TBC1D32: variants seen among roughly 807,000 people sequenced by gnomAD.
The protein encoded by TBC1D32 is TBC1 domain family member 32, also known as protein broad-minded.
TBC1D32 carries 151 observed loss-of-function variants against 170.3 expected under a neutral mutation model. That is an observed-to-expected ratio of 0.89 (90% CI 0.78 to 1.01). The LOEUF is 1.01. TBC1D32 is among the 50% of genes least tolerant of loss of function. TBC1D32 has a pLI of 0.00. For synonymous variants in TBC1D32, 498 were observed against 488.0 expected, an observed-to-expected ratio of 1.02 and a Z score of -0.27; for missense variants, 1,464 against 1,457.1, an observed-to-expected ratio of 1.00 and a Z score of -0.08.
At position 121,104,685 on chromosome 6, in the gene TBC1D32, C is replaced by G. The variant is rs189669926; in HGVS notation, c.3465+1338G>C. On this transcript the variant is annotated intron_variant, in intron 30 of 31. Coordinates refer to ENST00000398212, the MANE Select transcript of TBC1D32 (RefSeq NM_152730.6). Reference sequence around the variant, plus strand: ...AAGAGAAAATAAAATTGAAACAGATCTCAAACTACACTCACTGGCAATATC... The same window carrying G: ...AAGAGAAAATAAAATTGAAACAGATGTCAAACTACACTCACTGGCAATATC... Among the ~76,000 whole-genome samples, 208 of 151,580 alleles carry G rather than the reference C, an allele frequency of 1.4e-3. 1 individual carries two copies. Among genetic ancestry groups the G allele is most frequent in the Non-Finnish European group, 2.5e-3 (172 of 67,682 alleles).
intron 15 of TBC1D32, among the ~76,000 whole-genome samples, chr6:121,271,658 G>C (rs1801448221): frequency 6.6e-6 from 1 of 152,098 alleles, no homozygotes; most frequent in African/African-American, 2.4e-5. Context: ...TGGATAGGAA[G>C]AATCAATATC....
At chr6:121,200,030 G>A (rs911191212) in intron 22 of TBC1D32, among the ~76,000 whole-genome samples, 1 of 151,146 alleles carries the variant, frequency 6.6e-6, no homozygotes, top group Non-Finnish European at 1.5e-5. Flanking sequence ...CTGTTGGTGG[G>A]TAAATATAAA....
chr6:121,101,129 T>C (rs189827569), intron 30 of TBC1D32, among the ~76,000 whole-genome samples: 1 of 151,966 alleles, frequency 6.6e-6, no homozygotes, highest in Non-Finnish European at 1.5e-5. Flanking sequence ...CAGGACCAGA[T>C]GGATTCACAG....
At chr6:121,154,060 C>A (rs1477294866) in intron 24 of TBC1D32, among the ~76,000 whole-genome samples, 2 of 150,148 alleles carry the variant, frequency 1.3e-5, no homozygotes, top group African/African-American at 5.0e-5. Flanking sequence ...AAAAAACCTC[C>A]TGCACCTAGC....
At chr6:121,241,693 A>G (rs1175825156) in intron 18 of TBC1D32, 141 bp from the exon 19 acceptor site, 2 of 746,770 alleles carry the variant, frequency 2.7e-6, no homozygotes, top group Non-Finnish European at 4.4e-6. Context: ...AAAAAGCCCA[A>G]AAGTCTAGGG....
At chr6:121,333,840 G>A (rs1811516489) in intron 1 of TBC1D32, among the ~76,000 whole-genome samples, 1 of 152,318 alleles carries the variant, frequency 6.6e-6, no homozygotes, top group Admixed American at 6.5e-5. Flanking sequence ...GCCGAGACGG[G>A]CGGATCACTT....
In TBC1D32 at chr6:121,192,496, C is replaced by T. The variant is rs190045794; in HGVS notation, c.2570+12579G>A. 4.6e-5 allele frequency: 7 copies of T among 152,260 alleles called. No individual in the cohort carries two copies. The East Asian group carries it at 1.2e-3, about 25-fold the overall frequency. 9.4% of individuals were successfully genotyped at this position (152,260 alleles called of 1,614,324 possible). On this transcript the variant is annotated intron_variant, in intron 22 of 31. Transcript: ENST00000398212. The stretch of plus-strand genomic sequence containing the variant: ...GGATTCTGTCTCCTGGCTTCAGAAG[C>T]TGAGGCTCAAATCCGCTAAGATTGC...
At chr6:121,185,927 C>T (rs1350391864) in intron 22 of TBC1D32, among the ~76,000 whole-genome samples, 2 of 152,022 alleles carry the variant, frequency 1.3e-5, no homozygotes, top group African/African-American at 4.8e-5. Context: ...GGACACAACA[C>T]CTTGGAAAAC....
chr6:121,289,918 A>T (rs1168027231), intron 12 of TBC1D32, among the ~76,000 whole-genome samples: 3 of 152,222 alleles, frequency 2.0e-5, no homozygotes, highest in African/African-American at 7.2e-5. Flanking sequence ...CTATTCAATA[A>T]ATGGTGCTGG....
intron 15 of TBC1D32, among the ~76,000 whole-genome samples, chr6:121,256,582 C>T (rs1161041391): frequency 1.3e-5 from 2 of 152,104 alleles, no homozygotes; most frequent in Non-Finnish European, 2.9e-5. Context: ...ACAGTGAAAA[C>T]ATAATCCTAA....
intron 30 of TBC1D32, among the ~76,000 whole-genome samples, chr6:121,100,896 A>G (rs1178139269): frequency 5.3e-5 from 8 of 152,138 alleles, no homozygotes; most frequent in Non-Finnish European, 8.8e-5. Flanking sequence ...AAAAAATGAT[A>G]AAGGGGATAT....
chr6:121,303,628 T>G lies in TBC1D32; in HGVS notation c.1069A>C (p.Lys357Gln), dbSNP rs199782641. The change falls in exon 9 of 32, where the codon AAA (lysine) becomes CAA (glutamine). Residue 357 changes from lysine to glutamine, a missense_variant. Around this residue, in one of 3 missense-constraint regions of TBC1D32, gnomAD observed 1,363 missense variants for 1,338.1 expected, o/e 1.02. Transcript: ENST00000398212. The stretch of plus-strand genomic sequence containing the variant: ...CTATTTTTCCTTACCATCCACTTTT[T>G]GAACCACACAGCCTTGGTATCAACT... ...ALVDTKAVWF[K>Q]KWMHAHYSRT... 6.4e-5 allele frequency: 100 copies of G among 1,550,604 alleles called. No homozygotes were observed. The African/African-American group carries it at 1.3e-3, about 21-fold the overall frequency.
intron 31 of TBC1D32, among the ~76,000 whole-genome samples, chr6:121,083,371 T>C (rs1775846851): frequency 6.6e-6 from 1 of 152,118 alleles, no homozygotes; most frequent in Admixed American, 6.6e-5. Flanking sequence ...TGCATTTCGT[T>C]TGTTGTATCT....
chr6:121,270,575 C>T (rs989646461), intron 15 of TBC1D32, among the ~76,000 whole-genome samples: 2 of 151,968 alleles, frequency 1.3e-5, no homozygotes, highest in East Asian at 3.9e-4. Context: ...AAGCTGAATC[C>T]CTGAATAGAC....
At chr6:121,232,478 T>C (rs1315047813) in intron 20 of TBC1D32, among the ~76,000 whole-genome samples, 1 of 152,134 alleles carries the variant, frequency 6.6e-6, no homozygotes, top group Non-Finnish European at 1.5e-5. Flanking sequence ...GGTATTTTGA[T>C]AGGAATTGCA....
chr6:121,099,109 T>C (rs1777732482), intron 30 of TBC1D32, among the ~76,000 whole-genome samples: 1 of 151,996 alleles, frequency 6.6e-6, no homozygotes, highest in Non-Finnish European at 1.5e-5. Context: ...AGAAAATCCA[T>C]GCAGGTTTTT....
intron 30 of TBC1D32, among the ~76,000 whole-genome samples, chr6:121,099,480 T>C (rs1318428251): frequency 1.3e-5 from 2 of 151,938 alleles, no homozygotes; most frequent in South Asian, 2.1e-4. Flanking sequence ...ATTTTTACTT[T>C]AGAGATCTGT....
intron 22 of TBC1D32, among the ~76,000 whole-genome samples, chr6:121,187,772 A>G (rs897867352): frequency 7.4e-6 from 1 of 135,414 alleles, no homozygotes; most frequent in African/African-American, 2.6e-5. Flanking sequence ...AAAAAAAAAA[A>G]AGTCCTACAG....
At chr6:121,116,795 A>G (rs187993888) in intron 26 of TBC1D32, among the ~76,000 whole-genome samples, 104 of 152,340 alleles carry the variant, frequency 6.8e-4, no homozygotes, top group South Asian at 4.1e-3. Flanking sequence ...GAGTTCTTAC[A>G]TAGTGGTCTA....
Sources: allele counts gnomAD v4.1 joint callset (sites outside exome capture counted in the v4.1 genomes callset), GRCh38; gene constraint gnomAD v4.1.1; regional missense constraint gnomAD v4.1.1; transcripts MANE v1.5; gene names NCBI Gene and HGNC (gene_info 2026-07-23, HGNC 2026-07-21).